The following GGACT variants were observed in gnomAD, a reference collection of about 807,000 sequenced individuals.
The protein encoded by GGACT is gamma-glutamylamine cyclotransferase, also known as gamma-glutamylaminecyclotransferase.
For synonymous variants in GGACT, 118 were observed against 115.3 expected (o/e 1.02, Z -0.15); for missense variants, 241 against 233.2 (o/e 1.03, Z -0.22).
intron 2 of GGACT, among the ~76,000 whole-genome samples, chr13:100,570,707 A>G (rs1040180924): frequency 6.6e-6 from 1 of 152,140 alleles, no homozygotes; most frequent in Non-Finnish European, 1.5e-5. Context: ...AGGCCTCATC[A>G]TCCATTCTGA....
At chr13:100,565,720 C>T (rs770928069) in intron 2 of GGACT, among the ~76,000 whole-genome samples, 6 of 152,184 alleles carry the variant, frequency 3.9e-5, no homozygotes, top group Non-Finnish European at 8.8e-5. Context: ...AGTGATACCT[C>T]CAACATGCAT....
At chr13:100,572,994 T>C (rs184860498) in intron 2 of GGACT, among the ~76,000 whole-genome samples, 10 of 152,268 alleles carry the variant, frequency 6.6e-5, no homozygotes, top group African/African-American at 2.2e-4. Context: ...TGGAGAAGCA[T>C]AGGGTATTAA....
chr13:100,554,891 G>A (rs1336098977), intron 2 of GGACT, among the ~76,000 whole-genome samples: 4 of 152,042 alleles, frequency 2.6e-5, no homozygotes, highest in South Asian at 2.1e-4. Flanking sequence ...TAAAACAAAC[G>A]TTAAAAGGAT....
chr13:100,576,362 C>T (rs1424478948), intron 2 of GGACT, among the ~76,000 whole-genome samples: 1 of 152,180 alleles, frequency 6.6e-6, no homozygotes, highest in Non-Finnish European at 1.5e-5. Flanking sequence ...CAAAGCAGTA[C>T]AGGCATGGTG....
chr13:100,573,870 C>T (rs1248130598), intron 2 of GGACT, among the ~76,000 whole-genome samples: 1 of 125,228 alleles, frequency 8.0e-6, no homozygotes, highest in South Asian at 2.9e-4. Flanking sequence ...GTCAAGATGG[C>T]ATTATCAAAA....
intron 2 of GGACT, among the ~76,000 whole-genome samples, chr13:100,569,790 C>T (rs1477939716): frequency 6.6e-6 from 1 of 152,200 alleles, no homozygotes; most frequent in Admixed American, 6.5e-5. Flanking sequence ...GAATGCTTTG[C>T]TGCTTAGAAA....
chr13:100,580,488 A>T (rs926673924), intron 2 of GGACT, among the ~76,000 whole-genome samples: 1 of 152,206 alleles, frequency 6.6e-6, no homozygotes, highest in Non-Finnish European at 1.5e-5. Flanking sequence ...CAGCCTTTGG[A>T]GGGAGGGCAG....
intron 1 of GGACT, among the ~76,000 whole-genome samples, chr13:100,588,181 TA>T (rs1321162849): frequency 6.6e-6 from 1 of 152,222 alleles, no homozygotes; most frequent in Non-Finnish European, 1.5e-5. Context: ...ACAGCAATGA[TA>T]ACCATAATTA....
chr13:100,558,811 T>TTG (rs2088732043), intron 2 of GGACT, among the ~76,000 whole-genome samples: 1 of 152,116 alleles, frequency 6.6e-6, no homozygotes, highest in Non-Finnish European at 1.5e-5. Flanking sequence ...GAATGGTGGT[T>TTG]ATCAGAGGCT....
chr13:100,580,360 A>T (rs77530523), intron 2 of GGACT, among the ~76,000 whole-genome samples: 1 of 152,230 alleles, frequency 6.6e-6, no homozygotes, highest in African/African-American at 2.4e-5. Context: ...GGGACAGAAG[A>T]CAGACACCGA....
chr13:100,540,074 A>G lies in GGACT; in HGVS notation c.-10-7473T>C. The G allele has an allele frequency of 5.1e-6, 7 of 1,379,000 alleles. No homozygotes were observed. In the South Asian group the frequency reaches 6.9e-5, roughly 14 times the overall value. 85.4% of individuals were successfully genotyped at this position (1,379,000 alleles called of 1,614,324 possible). ...AGCTTGGGAAGCACATAGGCATCGAAGACGCTCGCTTCAGAAATGTCCCTG... is the reference window on the plus strand; with the variant it reads ...AGCTTGGGAAGCACATAGGCATCGAGGACGCTCGCTTCAGAAATGTCCCTG... On this transcript the variant is annotated intron_variant, in intron 2 of 2. Coordinates refer to ENST00000683975, the MANE Select transcript of GGACT (RefSeq NM_001195087.2).
At chr13:100,568,371 G>A (rs1566537160) in intron 2 of GGACT, among the ~76,000 whole-genome samples, 2 of 152,218 alleles carry the variant, frequency 1.3e-5, no homozygotes, top group African/African-American at 4.8e-5. Context: ...ATGGCAGAAG[G>A]GGAACCAAAC....
rs971556930 is a variant in GGACT at position 100,545,573 on chromosome 13, C to A, written c.-10-12972G>T. Reference sequence around the variant, plus strand: ...GTGCCCTCAGGGTTTATTAAGCACACCCTGGGCTGCCTGCCTGCCTGGCAT... The same window carrying A: ...GTGCCCTCAGGGTTTATTAAGCACAACCTGGGCTGCCTGCCTGCCTGGCAT... On this transcript the variant is annotated intron_variant, in intron 2 of 2. Transcript: ENST00000683975. The surrounding 1 kb of genome is among the most constrained non-coding windows in gnomAD (Gnocchi z 4.4). Among the ~76,000 whole-genome samples the A allele has an allele frequency of 1.3e-5, 2 of 152,246 alleles. No homozygotes were observed. Among genetic ancestry groups the A allele is most frequent in the African/African-American group, 4.8e-5 (2 of 41,460 alleles).
intron 2 of GGACT, 134 bp from the exon 3 acceptor site, chr13:100,532,735 G>A: frequency 3.0e-6 from 2 of 660,368 alleles, no homozygotes; most frequent in Non-Finnish European, 5.2e-6. Flanking sequence ...CTCAGATAAG[G>A]CGTTACTTAC....
intron 2 of GGACT, among the ~76,000 whole-genome samples, chr13:100,557,906 G>A (rs1182672530): frequency 6.6e-6 from 1 of 152,122 alleles, no homozygotes; most frequent in Admixed American, 6.5e-5. Context: ...AACAAAGGCT[G>A]GGCACGGTGG....
At chr13:100,575,576 G>A (rs1875224604) in intron 2 of GGACT, among the ~76,000 whole-genome samples, 1 of 152,116 alleles carries the variant, frequency 6.6e-6, no homozygotes, top group Admixed American at 6.5e-5. Context: ...ATCAGCCCAG[G>A]CAACATAGCA....
rs1198302061 is a variant in GGACT at position 100,531,016 on chromosome 13, G to T, written c.*1114C>A. 1 of 152,260 alleles carries T rather than the reference G, an allele frequency of 6.6e-6. No homozygotes were observed. Among genetic ancestry groups the T allele is most frequent in the African/African-American group, 2.4e-5 (1 of 41,452 alleles). 9.4% of individuals were successfully genotyped at this position (152,260 alleles called of 1,614,324 possible). A position where few individuals can be genotyped will look rare whatever the true frequency, so the allele number is the denominator to read the frequency against. ...AAATAATGATCATGTTTTTGTGCCA[G>T]ATGCAGTTAGCGATCACAGTCTGCC... is the stretch of plus-strand genomic sequence containing the variant. On this transcript the variant is annotated 3_prime_UTR_variant, in exon 3 of 3. Coordinates refer to ENST00000683975, the MANE Select transcript of GGACT (RefSeq NM_001195087.2).
chr13:100,546,287 G>A (rs1275164353), intron 2 of GGACT, among the ~76,000 whole-genome samples: 2 of 150,864 alleles, frequency 1.3e-5, no homozygotes, highest in African/African-American at 2.4e-5. Context: ...GCGTGAACCC[G>A]GTAGGCGGAG....
intron 2 of GGACT, among the ~76,000 whole-genome samples, chr13:100,573,263 T>C (rs1356831330): frequency 6.6e-6 from 1 of 152,174 alleles, no homozygotes; most frequent in African/African-American, 2.4e-5. Flanking sequence ...TCTGGTATTC[T>C]AAACACCCTG....
Sources: allele counts gnomAD v4.1 joint callset (sites outside exome capture counted in the v4.1 genomes callset), GRCh38; gene constraint gnomAD v4.1.1; non-coding constraint Gnocchi (gnomAD v3.1); transcripts MANE v1.5; gene names NCBI Gene and HGNC (gene_info 2026-07-23, HGNC 2026-07-21).